ZBTB8A: variants seen among roughly 807,000 people sequenced by gnomAD.
ZBTB8A encodes the protein zinc finger and BTB domain containing 8A, also known as zinc finger and BTB domain-containing protein 8A.
In ZBTB8A, 19 loss-of-function variants were observed where a neutral mutation model predicts 37.8. The observed-to-expected ratio is 0.50, with a 90% confidence interval of 0.35 to 0.74. The LOEUF is 0.74. Ranked by LOEUF, ZBTB8A falls within the 30% of genes least tolerant of loss-of-function variation. ZBTB8A has a pLI of 0.01. For synonymous variants in ZBTB8A, 181 were observed against 185.2 expected (o/e 0.98, Z 0.19); for missense variants, 394 against 537.8 (o/e 0.73, Z 2.65).
At chr1:32,550,441 A>AC (rs1164464086) in intron 1 of ZBTB8A, among the ~76,000 whole-genome samples, 2 of 151,850 alleles carry the variant, frequency 1.3e-5, no homozygotes, top group Admixed American at 6.6e-5. Flanking sequence ...ACGTGGTGAG[A>AC]CCCCATCTCT....
At chr1:32,589,969 G>T (rs917397353) in intron 2 of ZBTB8A, among the ~76,000 whole-genome samples, 2 of 152,054 alleles carry the variant, frequency 1.3e-5, no homozygotes, top group Non-Finnish European at 2.9e-5. Context: ...GTTTATTTCT[G>T]CCTGGCTTGG....
At chr1:32,566,235 T>C (rs1644278326) in intron 2 of ZBTB8A, among the ~76,000 whole-genome samples, 1 of 142,172 alleles carries the variant, frequency 7.0e-6, no homozygotes, top group Non-Finnish European at 1.5e-5. Context: ...ATTCTACAGC[T>C]GGGCGCAGTG....
At chr1:32,571,140 T>G (rs1248537391) in intron 2 of ZBTB8A, among the ~76,000 whole-genome samples, 4 of 152,146 alleles carry the variant, frequency 2.6e-5, no homozygotes, top group Non-Finnish European at 5.9e-5. Context: ...CCTCCCAAAG[T>G]GCTGGGATTA....
rs2504961 is a variant in ZBTB8A, at chr1:32,546,451, A to T, written c.-84+6879A>T. On this transcript the variant is annotated intron_variant, in intron 1 of 4. Coordinates refer to ENST00000373510, the MANE Select transcript of ZBTB8A (RefSeq NM_001040441.3). ...AGAGTGAGACTCTGTCTCAAAAAAA[A>T]AAATAAATAAATAAATAAAAGATTT... Among the ~76,000 whole-genome samples the T allele has an allele frequency of 5.8e-3, 876 of 151,510 alleles. 2 individuals are homozygous for T. Among genetic ancestry groups the T allele is most frequent in the African/African-American group, 0.015 (604 of 41,240 alleles).
At chr1:32,551,880 T>C (rs1644159557) in intron 1 of ZBTB8A, among the ~76,000 whole-genome samples, 1 of 152,180 alleles carries the variant, frequency 6.6e-6, no homozygotes, top group African/African-American at 2.4e-5. Flanking sequence ...GCTCCTCTTC[T>C]TTATACTTAC....
rs990228106 is a variant in ZBTB8A, at chr1:32,554,510, T to C, written c.-2+970T>C. On this transcript the variant is annotated intron_variant, in intron 2 of 4. Coordinates refer to ENST00000373510, the MANE Select transcript of ZBTB8A (RefSeq NM_001040441.3). The stretch of plus-strand genomic sequence containing the variant: ...TTTATTTATTTATTTATTTATTTAT[T>C]TATTTTTGAGATGTAGTCTGGCTCT... 6.5e-5 allele frequency among the ~76,000 whole-genome samples: 9 copies of C among 138,048 alleles called. No homozygotes were observed. The East Asian group carries it at 1.6e-3, about 25-fold the overall frequency. 90.6% of individuals were successfully genotyped at this position (138,048 alleles called of 152,430 possible).
intron 1 of ZBTB8A, among the ~76,000 whole-genome samples, chr1:32,543,699 C>T (rs1644076815): frequency 6.6e-6 from 1 of 151,950 alleles, no homozygotes; most frequent in Admixed American, 6.6e-5. Context: ...GTTTTTTAGA[C>T]AAAGTCTCGT....
intron 2 of ZBTB8A, among the ~76,000 whole-genome samples, chr1:32,583,116 C>T (rs1214693352): frequency 6.6e-6 from 1 of 152,006 alleles, no homozygotes; most frequent in African/African-American, 2.4e-5. Context: ...TGCAGTGGCT[C>T]ACACCTGTAA....
chr1:32,574,289 G>C (rs1399111039), intron 2 of ZBTB8A, among the ~76,000 whole-genome samples: 1 of 152,094 alleles, frequency 6.6e-6, no homozygotes, highest in Non-Finnish European at 1.5e-5. Flanking sequence ...CATACTCTGT[G>C]TGATTTTAAT....
Position 32,575,278 on chromosome 1 carries a change from G to A in ZBTB8A, c.-1-17653G>A, listed in dbSNP as rs969647712. Among the ~76,000 whole-genome samples, 96 of 139,712 alleles carry A rather than the reference G, an allele frequency of 6.9e-4. 1 individual carries two copies. Among genetic ancestry groups the A allele is most frequent in the South Asian group, 9.1e-4 (4 of 4,410 alleles). The allele number at this position is 139,712 out of a possible 152,430, so 91.7% of individuals were successfully genotyped here. A position where few individuals can be genotyped will look rare whatever the true frequency, so the allele number is the denominator to read the frequency against. On this transcript the variant is annotated intron_variant, in intron 2 of 4. Coordinates refer to ENST00000373510, the MANE Select transcript of ZBTB8A (RefSeq NM_001040441.3). ...GTTTCGCTCTTTCCCCGAGGCTGGA[G>A]TGCAGTGGCACAATGTCAGCTCACT...
chr1:32,566,345 A>G lies in ZBTB8A; in HGVS notation c.-2+12805A>G, dbSNP rs551819385. Among the ~76,000 whole-genome samples, 52 of 152,134 alleles carry G rather than the reference A, an allele frequency of 3.4e-4. 2 individuals are homozygous for G. In the South Asian group the frequency reaches 0.01, roughly 30 times the overall value. ...CATAGGCAAAATAGTGAGACCCTAT[A>G]TCTACAATAAAAAGAAAAAGAAAGA... On this transcript the variant is annotated intron_variant, in intron 2 of 4. Coordinates refer to ENST00000373510, the MANE Select transcript of ZBTB8A (RefSeq NM_001040441.3).
intron 1 of ZBTB8A, among the ~76,000 whole-genome samples, chr1:32,541,992 A>G (rs1183162437): frequency 1.3e-5 from 2 of 152,250 alleles, no homozygotes; most frequent in Non-Finnish European, 2.9e-5. Flanking sequence ...TTAATGGGGT[A>G]TTAAATGCAT....
chr1:32,568,390 A>G (rs1320276753), intron 2 of ZBTB8A, among the ~76,000 whole-genome samples: 3 of 149,534 alleles, frequency 2.0e-5, no homozygotes, highest in African/African-American at 7.4e-5. Context: ...AGTTCTGCCT[A>G]TTCTTTTTTT....
chr1:32,563,189 G>C (rs1314067717), intron 2 of ZBTB8A, among the ~76,000 whole-genome samples: 1 of 152,152 alleles, frequency 6.6e-6, no homozygotes, highest in African/African-American at 2.4e-5. Flanking sequence ...TCTACTGCCA[G>C]AGGCTCCTGA....
intron 2 of ZBTB8A, among the ~76,000 whole-genome samples, chr1:32,583,268 T>C (rs544474863): frequency 6.6e-6 from 1 of 151,336 alleles, no homozygotes; most frequent in African/African-American, 2.4e-5. Context: ...TAGTCCTAGC[T>C]ACTCTAGAGG....
At chr1:32,591,090 G>A (rs144416449) in intron 2 of ZBTB8A, among the ~76,000 whole-genome samples, 11,521 of 133,582 alleles carry the variant, frequency 0.086, 514 homozygotes, top group African/African-American at 0.13. Context: ...TGTATTTTTA[G>A]TAGAAACAGG....
intron 2 of ZBTB8A, among the ~76,000 whole-genome samples, chr1:32,554,141 A>T (rs560633241): frequency 1.4e-5 from 2 of 142,130 alleles, no homozygotes; most frequent in African/African-American, 5.2e-5. Context: ...CGGACGTTGC[A>T]GTGAGCCAAG....
rs562481793 is a variant in ZBTB8A at position 32,599,520 on chromosome 1, C to T, written c.994-567C>T. On this transcript the variant is annotated intron_variant, in intron 4 of 4. Transcript: ENST00000373510. ...GATGACGAGGTCAGGAGTTTGAGACCAGCCTGACCAACATGGTGAAACCCC... is the reference window on the plus strand; with the variant it reads ...GATGACGAGGTCAGGAGTTTGAGACTAGCCTGACCAACATGGTGAAACCCC... Among the ~76,000 whole-genome samples, 74 of 152,140 alleles carry T rather than the reference C, an allele frequency of 4.9e-4. 1 individual carries two copies. Among genetic ancestry groups the T allele is most frequent in the African/African-American group, 1.8e-3 (73 of 41,482 alleles).
In ZBTB8A at chr1:32,604,596, A is replaced by G. The variant is rs1644600932; in HGVS notation, c.*4177A>G. The G allele has an allele frequency of 6.6e-6, 1 of 152,158 alleles. No individual in the cohort carries two copies. Among genetic ancestry groups the G allele is most frequent in the African/African-American group, 2.4e-5 (1 of 41,432 alleles). The allele number at this position is 152,158 out of a possible 1,614,324, so 9.4% of individuals were successfully genotyped here. On this transcript the variant is annotated 3_prime_UTR_variant, in exon 5 of 5. Coordinates refer to ENST00000373510, the MANE Select transcript of ZBTB8A (RefSeq NM_001040441.3). ...ATCTTAAGACTTTTTAAAATTTAGG[A>G]ACAAATGTTTCAATATTATATTTTC...
Sources: allele counts gnomAD v4.1 joint callset (sites outside exome capture counted in the v4.1 genomes callset), GRCh38; gene constraint gnomAD v4.1.1; transcripts MANE v1.5; gene names NCBI Gene and HGNC (gene_info 2026-07-23, HGNC 2026-07-21).